The following FAM193A variants were observed in gnomAD, a reference collection of about 807,000 sequenced individuals.
FAM193A encodes the protein protein FAM193A.
A neutral mutation model predicts 126.5 loss-of-function variants in FAM193A; 22 were observed. The ratio of observed to expected loss-of-function variants is 0.17; its 90% confidence interval spans 0.12 to 0.25. The LOEUF (loss-of-function observed/expected upper bound fraction) is 0.25, where lower values mean the gene tolerates loss of function less well. Ranked by LOEUF, FAM193A falls within the 10% of genes least tolerant of loss-of-function variation. The pLI is 1.00. For missense variants in FAM193A, 1,675 were observed against 1,672.8 expected (o/e 1.00, Z -0.02); for synonymous variants, 761 against 646.8 (o/e 1.18, Z -2.68).
chr4:2,581,191 C>A (rs1368186635), intron 1 of FAM193A, among the ~76,000 whole-genome samples: 1 of 142,332 alleles, frequency 7.0e-6, no homozygotes, highest in Non-Finnish European at 1.6e-5. Context: ...ATTGCCATTT[C>A]TTTTGTAGAT....
rs115748262 is a variant in FAM193A at position 2,652,566 on chromosome 4, G to A, written c.1312-5237G>A. The stretch of plus-strand genomic sequence containing the variant: ...CTTACGTGGCTGGAGTAGGAGGAAG[G>A]GGGGTGGGGAGGTGCTACACACTTT... On this transcript the variant is annotated intron_variant, in intron 7 of 20. Coordinates refer to ENST00000637812, the MANE Select transcript of FAM193A (RefSeq NM_001366318.2). Among the ~76,000 whole-genome samples the A allele has an allele frequency of 4.6e-5, 7 of 151,852 alleles. No individual in the cohort carries two copies. The East Asian group carries it at 9.7e-4, about 21-fold the overall frequency.
At chr4:2,554,609 G>C (rs1738148001) in intron 1 of FAM193A, among the ~76,000 whole-genome samples, 1 of 151,978 alleles carries the variant, frequency 6.6e-6, no homozygotes, top group Non-Finnish European at 1.5e-5. Flanking sequence ...TGATGGTTTT[G>C]TTCGCTTCTG....
At chr4:2,611,640 TTGGAAAAG>T in intron 2 of FAM193A, among the ~76,000 whole-genome samples, 1 of 152,096 alleles carries the variant, frequency 6.6e-6, no homozygotes, top group East Asian at 1.9e-4. Context: ...TTGTATCTCT[TTGGAAAAG>T]TGGCTGTTCA....
intron 9 of FAM193A, 37 bp downstream of exon 9, chr4:2,659,707 T>G: frequency 6.2e-7 from 1 of 1,608,336 alleles, no homozygotes; most frequent in Non-Finnish European, 8.5e-7. Context: ...GACTGGCCCA[T>G]TGGACCTTCA....
At chr4:2,661,367 TC>T (rs1387515331) in intron 10 of FAM193A, among the ~76,000 whole-genome samples, 1 of 152,252 alleles carries the variant, frequency 6.6e-6, no homozygotes, top group Admixed American at 6.5e-5. Context: ...ACACAGTACT[TC>T]CTGGATCTTA....
intron 13 of FAM193A, among the ~76,000 whole-genome samples, chr4:2,680,590 G>A (rs189882307): frequency 1.3e-5 from 2 of 152,176 alleles, no homozygotes; most frequent in Non-Finnish European, 2.9e-5. Flanking sequence ...TACTACCTCA[G>A]CCTCCCAAAG....
chr4:2,650,457 C>T lies in FAM193A; in HGVS notation c.1311+3625C>T, dbSNP rs569110329. On this transcript the variant is annotated intron_variant, in intron 7 of 20. Transcript: ENST00000637812. ...TTCCTGCCCGGCTCACTCTCGTCAC[C>T]GGGGCTCAAGGGAACGAAGCGCACC... is the stretch of plus-strand genomic sequence containing the variant. 1.8e-4 allele frequency among the ~76,000 whole-genome samples: 27 copies of T among 152,256 alleles called. No homozygotes were observed. In the South Asian group the frequency reaches 3.1e-3, roughly 18 times the overall value.
rs1742972755 is a variant in FAM193A at position 2,626,445 on chromosome 4, A to G, written c.671A>G (p.Gln224Arg). The change falls in exon 4 of 21, where the codon CAG becomes CGG. Residue 224 changes from glutamine to arginine, a missense_variant. By Grantham distance (43) the Gln-to-Arg change is conservative. Transcript: ENST00000637812. ...GCAGAGGCGGACCGGGAACCTCAGC[A>G]GCTGCAGAACTACTGGTCAGAAGTG... ...ISAEADREPQQLQNYWSEVRY... is the reference protein window; with the variant it reads ...ISAEADREPQRLQNYWSEVRY... 2.9e-6 allele frequency: 2 copies of G among 700,724 alleles called. No homozygotes were observed. The highest frequency in any genetic ancestry group is 1.5e-5 in the South Asian group (1 of 67,568). The allele number at this position is 700,724 out of a possible 1,614,324, so 43.4% of individuals were successfully genotyped here. A position where few individuals can be genotyped will look rare whatever the true frequency, so the allele number is the denominator to read the frequency against.
At chr4:2,605,970 CAAAAAAAAAAAAA>C (rs1160026686) in intron 2 of FAM193A, among the ~76,000 whole-genome samples, 1 of 31,890 alleles carries the variant, frequency 3.1e-5, no homozygotes, top group Non-Finnish European at 5.5e-5. Context: ...GACTCTGTCT[CAAAAAAAAAAAAA>C]AAAAAAAAAA....
intron 14 of FAM193A, among the ~76,000 whole-genome samples, chr4:2,690,474 CTT>C (rs1222539034): frequency 2.6e-5 from 4 of 152,202 alleles, no homozygotes; most frequent in African/African-American, 7.2e-5. Context: ...AATTTTAAGA[CTT>C]TACGTAACTT....
At chr4:2,666,298 C>A (rs563650036) in intron 12 of FAM193A, among the ~76,000 whole-genome samples, 5 of 152,064 alleles carry the variant, frequency 3.3e-5, no homozygotes, top group African/African-American at 1.2e-4. Context: ...ATTTTGTTAC[C>A]GTGGTGTGTC....
intron 1 of FAM193A, among the ~76,000 whole-genome samples, chr4:2,582,423 C>T (rs1739997720): frequency 6.6e-6 from 1 of 152,190 alleles, no homozygotes; most frequent in Non-Finnish European, 1.5e-5. Flanking sequence ...GCACGAGCCC[C>T]ATCGTACTTG....
rs377206444 is a variant in FAM193A at position 2,617,240 on chromosome 4, T to TTTTATATATATATA, written c.502-8021_502-8020insTTATATATATATAT. On this transcript the variant is annotated intron_variant, in intron 2 of 20. Transcript: ENST00000637812. Reference sequence around the variant, plus strand: ...TGTATTGGTCAGAAGTATGTTTTTATTATATATATATATATATATATATTT... The same window carrying TTTTATATATATATA: ...TGTATTGGTCAGAAGTATGTTTTTATTTTATATATATATATATATATATATATATATATATATTT... Among the ~76,000 whole-genome samples, 195 of 35,090 alleles carry TTTTATATATATATA rather than the reference T, an allele frequency of 5.6e-3. 18 individuals are homozygous for TTTTATATATATATA. Among genetic ancestry groups the TTTTATATATATATA allele is most frequent in the African/African-American group, 0.016 (60 of 3,672 alleles). 23.0% of individuals were successfully genotyped at this position (35,090 alleles called of 152,430 possible).
At chr4:2,680,862 G>A (rs1715029061) in intron 13 of FAM193A, among the ~76,000 whole-genome samples, 1 of 150,748 alleles carries the variant, frequency 6.6e-6, no homozygotes, top group African/African-American at 2.4e-5. Flanking sequence ...GGCTGGTCTC[G>A]AACCCCTGAC....
intron 6 of FAM193A, among the ~76,000 whole-genome samples, chr4:2,644,061 A>G (rs549920991): frequency 5.4e-4 from 82 of 152,286 alleles, no homozygotes; most frequent in African/African-American, 1.8e-3. Context: ...TGCAAGCTCA[A>G]TATTTAGATG....
chr4:2,605,444 T>G (rs1182608832), intron 2 of FAM193A, among the ~76,000 whole-genome samples: 1 of 152,228 alleles, frequency 6.6e-6, no homozygotes, highest in Non-Finnish European at 1.5e-5. Flanking sequence ...GCATTATGTT[T>G]GAGAGTCATA....
At chr4:2,594,067 C>T (rs1352411193) in intron 1 of FAM193A, among the ~76,000 whole-genome samples, 3 of 152,104 alleles carry the variant, frequency 2.0e-5, no homozygotes, top group Non-Finnish European at 2.9e-5. Flanking sequence ...GGAAAACTCA[C>T]AACCCTGTGG....
Position 2,631,033 on chromosome 4 carries a change from C to T in FAM193A, c.902C>T (p.Ser301Leu), listed in dbSNP as rs145959580. The change falls in exon 5 of 21, where the codon TCG (serine) becomes TTG (leucine). Residue 301 changes from serine to leucine, a missense_variant. By Grantham distance (145) the Ser-to-Leu change is moderately radical (BLOSUM62 -2). Coordinates refer to ENST00000637812, the MANE Select transcript of FAM193A (RefSeq NM_001366318.2). Reference protein sequence around the residue: ...EMKVRLLRQLSAAAKVKAPSG... With the variant: ...EMKVRLLRQLLAAAKVKAPSG... ...AAGGTCCGCCTGCTCCGGCAGCTGTCGGCTGCGGCCAAGGTGAAGGCACCA... is the reference window on the plus strand; with the variant it reads ...AAGGTCCGCCTGCTCCGGCAGCTGTTGGCTGCGGCCAAGGTGAAGGCACCA... The T allele has an allele frequency of 5.8e-5, 94 of 1,613,556 alleles. No homozygotes were observed. The Admixed American group carries it at 9.5e-4, about 16-fold the overall frequency.
chr4:2,648,955 A>G (rs1374724412), intron 7 of FAM193A, among the ~76,000 whole-genome samples: 1 of 152,224 alleles, frequency 6.6e-6, no homozygotes, highest in African/African-American at 2.4e-5. Flanking sequence ...CAACACCAGA[A>G]TGTCCCGGAT....
Sources: allele counts gnomAD v4.1 joint callset (sites outside exome capture counted in the v4.1 genomes callset), GRCh38; gene constraint gnomAD v4.1.1; transcripts MANE v1.5; gene names NCBI Gene and HGNC (gene_info 2026-07-23, HGNC 2026-07-21).